Variants in SYN3 observed in about 807,000 individuals in gnomAD.
The protein encoded by SYN3 is synapsin-3.
A neutral mutation model predicts 65.8 loss-of-function variants in SYN3; 35 were observed. The ratio of observed to expected loss-of-function variants is 0.53; its 90% confidence interval spans 0.41 to 0.70. The LOEUF (loss-of-function observed/expected upper bound fraction) is 0.70, where lower values mean the gene tolerates loss of function less well. SYN3 is among the 30% of genes least tolerant of loss of function. The probability of loss-of-function intolerance (pLI) is 0.00; values close to 1 mark genes in which losing one functional copy is unlikely to be tolerated. For synonymous variants in SYN3, 270 were observed against 292.9 expected (o/e 0.92, Z 0.80); for missense variants, 680 against 749.0 (o/e 0.91, Z 1.08).
At chr22:32,881,730 T>C (rs1478388106) in intron 4 of SYN3, among the ~76,000 whole-genome samples, 1 of 152,102 alleles carries the variant, frequency 6.6e-6, no homozygotes, top group Admixed American at 6.5e-5. Flanking sequence ...CATTGTTTGA[T>C]AGTTGTTTTT....
chr22:32,901,310 A>G (rs116638000), intron 4 of SYN3, among the ~76,000 whole-genome samples: 1,902 of 152,318 alleles, frequency 0.012, 22 homozygotes, highest in Middle Eastern at 0.031. Context: ...TTGTTGGGTG[A>G]TACTTAATCC....
intron 7 of SYN3, among the ~76,000 whole-genome samples, chr22:32,581,982 T>C (rs1338411290): frequency 1.3e-5 from 2 of 151,844 alleles, no homozygotes; most frequent in Non-Finnish European, 2.9e-5. Context: ...ATATTTTTAG[T>C]AGAGATGGGT....
chr22:32,859,678 T>G (rs542228740), intron 6 of SYN3: 1 of 384,816 alleles, frequency 2.6e-6, no homozygotes, highest in East Asian at 5.1e-5. Flanking sequence ...AATCTCTATT[T>G]TTTTAGGAAA....
intron 6 of SYN3, among the ~76,000 whole-genome samples, chr22:32,766,327 T>A (rs1392366864): frequency 6.6e-6 from 1 of 152,168 alleles, no homozygotes; most frequent in African/African-American, 2.4e-5. Flanking sequence ...GGAAGAAACA[T>A]GTACAATTTT....
intron 1 of SYN3, among the ~76,000 whole-genome samples, chr22:33,036,099 A>G (rs1261549273): frequency 6.6e-6 from 1 of 152,088 alleles, no homozygotes; most frequent in African/African-American, 2.4e-5. Context: ...GAGTATAAGC[A>G]TTTGCCTTAC....
intron 6 of SYN3, among the ~76,000 whole-genome samples, chr22:32,603,064 C>T (rs961997660): frequency 1.2e-4 from 18 of 151,768 alleles, no homozygotes; most frequent in Non-Finnish European, 1.8e-4. Flanking sequence ...GAAATGAAAC[C>T]GGATGCCATG....
intron 3 of SYN3, among the ~76,000 whole-genome samples, chr22:32,932,947 C>T (rs1458088235): frequency 6.6e-6 from 1 of 152,142 alleles, no homozygotes; most frequent in African/African-American, 2.4e-5. Flanking sequence ...CCTGTGTCTT[C>T]TTACATTGTC....
chr22:32,927,031 G>A (rs779782641), intron 4 of SYN3, among the ~76,000 whole-genome samples: 2 of 152,176 alleles, frequency 1.3e-5, no homozygotes, highest in Non-Finnish European at 2.9e-5. Flanking sequence ...CACAGGAACA[G>A]TCTCATGGGG....
At chr22:32,684,834 C>T (rs2147127715) in intron 6 of SYN3, among the ~76,000 whole-genome samples, 1 of 152,258 alleles carries the variant, frequency 6.6e-6, no homozygotes, top group East Asian at 1.9e-4. Flanking sequence ...GTGTGACCGT[C>T]AAAAAGTTAC....
chr22:32,860,311 C>T (rs1273088699), intron 6 of SYN3: 1 of 152,546 alleles, frequency 6.6e-6, no homozygotes, highest in African/African-American at 2.4e-5. Flanking sequence ...CAGATATAGC[C>T]AAGTAGATTT....
At chr22:32,551,409 C>T (rs1489174785) in intron 7 of SYN3, among the ~76,000 whole-genome samples, 1 of 151,966 alleles carries the variant, frequency 6.6e-6, no homozygotes, top group Non-Finnish European at 1.5e-5. Flanking sequence ...CATTTAACTA[C>T]TAGTTTACAG....
chr22:32,692,176 AC>A (rs370853915), intron 6 of SYN3, among the ~76,000 whole-genome samples: 25,177 of 61,008 alleles, frequency 0.41, 5,336 homozygotes, highest in East Asian at 0.49. Context: ...AAAAAAAAAA[AC>A]AGGACGGTCT....
chr22:32,850,415 C>G (rs1352958422), intron 6 of SYN3, among the ~76,000 whole-genome samples: 1 of 152,042 alleles, frequency 6.6e-6, no homozygotes, highest in Admixed American at 6.6e-5. Flanking sequence ...TAAGGAGGAG[C>G]GGGTGGTATA....
At chr22:32,633,097 A>T (rs572343969) in intron 6 of SYN3, among the ~76,000 whole-genome samples, 27 of 152,340 alleles carry the variant, frequency 1.8e-4, no homozygotes, top group African/African-American at 6.5e-4. Context: ...AAATGGGAGG[A>T]ATAACCGCAC....
In SYN3 at chr22:32,874,320, C is replaced by CT. The variant is rs546602852; in HGVS notation, c.462-5196dup. Reference sequence around the variant, plus strand: ...TAGCTGGGTTTTCTTGTTATTTCACCTTTAACCGTAATATGAGCTATAATA... The same window carrying CT: ...TAGCTGGGTTTTCTTGTTATTTCACCTTTTAACCGTAATATGAGCTATAATA... On this transcript the variant is annotated intron_variant, in intron 4 of 13. Transcript: ENST00000358763. 6.4e-4 allele frequency among the ~76,000 whole-genome samples: 97 copies of CT among 152,286 alleles called. 1 individual carries two copies. In the South Asian group the frequency reaches 0.019, roughly 30 times the overall value.
At chr22:32,632,609 T>C (rs560338611) in intron 6 of SYN3, among the ~76,000 whole-genome samples, 1 of 152,264 alleles carries the variant, frequency 6.6e-6, no homozygotes, top group Non-Finnish European at 1.5e-5. Context: ...TGACTGAGAA[T>C]CTGCAGCTTG....
intron 6 of SYN3, among the ~76,000 whole-genome samples, chr22:32,702,489 A>G (rs2060823345): frequency 6.6e-6 from 1 of 152,162 alleles, no homozygotes; most frequent in Admixed American, 6.5e-5. Flanking sequence ...AATAAATAGA[A>G]GCATCTAAAT....
At chr22:32,572,736 C>T (rs2058796288) in intron 7 of SYN3, among the ~76,000 whole-genome samples, 2 of 152,014 alleles carry the variant, frequency 1.3e-5, no homozygotes, top group African/African-American at 4.8e-5. Context: ...ATGGGAGCCA[C>T]TATATCTGGC....
intron 1 of SYN3, among the ~76,000 whole-genome samples, chr22:33,053,426 A>G (rs1171431162): frequency 6.6e-6 from 1 of 152,118 alleles, no homozygotes; most frequent in East Asian, 1.9e-4. Context: ...CTCCGTTTCA[A>G]AAAAAAGGAT....
Sources: allele counts gnomAD v4.1 joint callset (sites outside exome capture counted in the v4.1 genomes callset), GRCh38; gene constraint gnomAD v4.1.1; transcripts MANE v1.5; gene names NCBI Gene and HGNC (gene_info 2026-07-23, HGNC 2026-07-21).